The following CDYL variants were observed in gnomAD, a reference collection of about 807,000 sequenced individuals.
CDYL encodes the protein chromodomain Y-like protein.
In CDYL, 8 loss-of-function variants were observed where a neutral mutation model predicts 47.3. That is an observed-to-expected ratio of 0.17 (90% CI 0.10 to 0.31). CDYL has a LOEUF of 0.31. CDYL is among the 10% of genes least tolerant of loss of function. The pLI is 1.00. For synonymous variants in CDYL, 266 were observed against 265.0 expected (o/e 1.00, Z -0.04); for missense variants, 471 against 701.4 (o/e 0.67, Z 3.71).
chr6:4,779,913 G>A (rs956762738), intron 1 of CDYL, among the ~76,000 whole-genome samples: 5 of 152,086 alleles, frequency 3.3e-5, no homozygotes, highest in Admixed American at 6.5e-5. Context: ...AATTCACTTA[G>A]TATATTTCAT....
At chr6:4,828,381 C>T (rs1436225242) in intron 1 of CDYL, among the ~76,000 whole-genome samples, 1 of 151,720 alleles carries the variant, frequency 6.6e-6, no homozygotes, top group Admixed American at 6.6e-5. Context: ...CCTCAGCCTC[C>T]CAAGTAGCTG....
chr6:4,711,046 T>C (rs1410380556), intron 1 of CDYL, among the ~76,000 whole-genome samples: 1 of 152,136 alleles, frequency 6.6e-6, no homozygotes, highest in Non-Finnish European at 1.5e-5. Context: ...ACACTTCAAA[T>C]ATATACTGTA....
intron 1 of CDYL, among the ~76,000 whole-genome samples, chr6:4,840,518 G>T (rs898335738): frequency 6.6e-6 from 1 of 152,130 alleles, no homozygotes; most frequent in East Asian, 1.9e-4. Context: ...TCACCATTCA[G>T]TGTTATGTTG....
At chr6:4,794,498 G>A (rs1192100286) in intron 1 of CDYL, among the ~76,000 whole-genome samples, 1 of 152,098 alleles carries the variant, frequency 6.6e-6, no homozygotes, top group Non-Finnish European at 1.5e-5. Context: ...AAGAGAACTG[G>A]GAGTGCCGGG....
chr6:4,825,621 A>G (rs1759960662), intron 1 of CDYL, among the ~76,000 whole-genome samples: 1 of 152,110 alleles, frequency 6.6e-6, no homozygotes, highest in Non-Finnish European at 1.5e-5. Context: ...TGATTTTTCT[A>G]ATGCAATATA....
At chr6:4,766,895 G>A (rs556459162) in intron 3 of CDYL, among the ~76,000 whole-genome samples, 3 of 151,914 alleles carry the variant, frequency 2.0e-5, no homozygotes, top group African/African-American at 4.8e-5. Flanking sequence ...CAGCTACTTG[G>A]GGGGAGCTGA....
intron 2 of CDYL, among the ~76,000 whole-genome samples, chr6:4,908,488 T>C (rs1757306835): frequency 6.6e-6 from 1 of 152,222 alleles, no homozygotes; most frequent in Non-Finnish European, 1.5e-5. Context: ...GCTCAGCCTT[T>C]AGCTTTGCAG....
In CDYL at chr6:4,868,248, A is replaced by G. The variant is rs554054686; in HGVS notation, c.25-23465A>G. Among the ~76,000 whole-genome samples, 23 of 151,824 alleles carry G rather than the reference A, an allele frequency of 1.5e-4. No homozygotes were observed. In the South Asian group the frequency reaches 3.3e-3, roughly 22 times the overall value. On this transcript the variant is annotated intron_variant, in intron 1 of 6. Coordinates refer to ENST00000397588, the MANE Select transcript of CDYL (RefSeq NM_004824.4). ...TATGACATAAGTGTTTAAAACTACA[A>G]TTTTCTCTAAGCACTACATTGGCTA...
chr6:4,799,535 T>G (rs1258811867), intron 1 of CDYL, among the ~76,000 whole-genome samples: 1 of 152,110 alleles, frequency 6.6e-6, no homozygotes, highest in Non-Finnish European at 1.5e-5. Context: ...AGCTTCCACT[T>G]CTCAGGCTCA....
chr6:4,911,547 G>C (rs1042349176), intron 2 of CDYL, among the ~76,000 whole-genome samples: 1 of 152,206 alleles, frequency 6.6e-6, no homozygotes, highest in Non-Finnish European at 1.5e-5. Context: ...GTTTGCTAAA[G>C]GGGGTCCTTG....
intron 2 of CDYL, among the ~76,000 whole-genome samples, chr6:4,903,870 C>G (rs947509184): frequency 1.3e-5 from 2 of 152,182 alleles, no homozygotes; most frequent in Admixed American, 6.5e-5. Context: ...TGCCATACAC[C>G]CATCAGCCGT....
chr6:4,881,743 A>G (rs1476571478), intron 1 of CDYL, among the ~76,000 whole-genome samples: 2 of 152,166 alleles, frequency 1.3e-5, no homozygotes, highest in African/African-American at 4.8e-5. Context: ...TTTATTCACA[A>G]TTTCTGGTTC....
At chr6:4,816,540 AG>A (rs1368382300) in intron 1 of CDYL, among the ~76,000 whole-genome samples, 1 of 148,110 alleles carries the variant, frequency 6.8e-6, no homozygotes, top group African/African-American at 2.5e-5. Flanking sequence ...TCTGTCACCA[AG>A]GCTAGAGTGC....
chr6:4,907,942 C>A (rs934247490), intron 2 of CDYL, among the ~76,000 whole-genome samples: 1 of 152,092 alleles, frequency 6.6e-6, no homozygotes, highest in Non-Finnish European at 1.5e-5. Flanking sequence ...CCATCAGTTC[C>A]ACAGTTTGGC....
chr6:4,796,202 G>A (rs895478428), intron 1 of CDYL, among the ~76,000 whole-genome samples: 2 of 152,254 alleles, frequency 1.3e-5, no homozygotes, highest in South Asian at 4.1e-4. Context: ...CAAAGTGCTG[G>A]CATTACAGGT....
intron 1 of CDYL, among the ~76,000 whole-genome samples, chr6:4,816,688 G>C (rs1367143445): frequency 6.6e-6 from 1 of 151,540 alleles, no homozygotes; most frequent in Admixed American, 6.6e-5. Flanking sequence ...GGGGTTTTGC[G>C]ATGTTGCCCA....
At chr6:4,826,919 A>C (rs1759996481) in intron 1 of CDYL, among the ~76,000 whole-genome samples, 1 of 152,124 alleles carries the variant, frequency 6.6e-6, no homozygotes. Flanking sequence ...GAATTCTCCA[A>C]CTGTTATTGT....
rs143201543 is a variant in CDYL, at chr6:4,715,700, T to G, written c.-38-41T>G. On this transcript the variant is annotated intron_variant, in intron 1 of 8. Transcript: ENST00000328908. ...GCCATGAGCCTTGGGTTTTTTCCCA[T>G]GTACTGTAGTAAATTCCTCTTGTTG... 708 of 1,573,456 alleles carry G rather than the reference T, an allele frequency of 4.5e-4. 4 individuals are homozygous for G. The African/African-American group carries it at 8.5e-3, about 19-fold the overall frequency.
At chr6:4,837,610 G>C (rs1760360164) in intron 1 of CDYL, among the ~76,000 whole-genome samples, 1 of 151,594 alleles carries the variant, frequency 6.6e-6, no homozygotes, top group Non-Finnish European at 1.5e-5. Flanking sequence ...GATTACAGGC[G>C]AGTGTTACCA....
Sources: gnomAD v4.1 joint callset for allele counts (sites outside exome capture counted in the v4.1 genomes callset) on GRCh38, gnomAD v4.1.1 for gene constraint, MANE v1.5 for transcripts, NCBI Gene and HGNC (gene_info 2026-07-23, HGNC 2026-07-21) for gene names.